CFAP97: variants seen among roughly 807,000 people sequenced by gnomAD.
The protein encoded by CFAP97 is cilia and flagella associated protein 97, also known as cilia- and flagella-associated protein 97.
Under a neutral mutation model 43.1 loss-of-function variants are expected in CFAP97, and 36 were observed. That is an observed-to-expected ratio of 0.84 (90% confidence interval 0.64 to 1.10). The LOEUF (loss-of-function observed/expected upper bound fraction) is 1.10. Among genes scored for constraint, CFAP97 ranks in the 50% least tolerant of loss-of-function variants. The pLI, the probability that CFAP97 is intolerant of heterozygous loss-of-function variation, is 0.00. For synonymous variants in CFAP97, 228 were observed against 225.7 expected, an observed-to-expected ratio of 1.01 and a Z score of -0.09; for missense variants, 657 against 620.3, an observed-to-expected ratio of 1.06 and a Z score of -0.63.
chr4:185,192,601 T>C (rs1736314133), intron 1 of CFAP97, among the ~76,000 whole-genome samples: 1 of 136,398 alleles, frequency 7.3e-6, no homozygotes, highest in South Asian at 2.5e-4. Flanking sequence ...CACTATAAAG[T>C]CATAGTCTTT....
intron 2 of CFAP97, among the ~76,000 whole-genome samples, chr4:185,188,525 G>A (rs926159931): frequency 1.8e-4 from 27 of 151,972 alleles, no homozygotes; most frequent in Non-Finnish European, 2.8e-4. Flanking sequence ...TGTATTATTT[G>A]CGGAGACGGG....
chr4:185,202,557 AC>A (rs1259297863), intron 1 of CFAP97, among the ~76,000 whole-genome samples: 2 of 151,782 alleles, frequency 1.3e-5, no homozygotes, highest in African/African-American at 2.4e-5. Flanking sequence ...CAAAAAACAA[AC>A]AAACAAAAAA....
chr4:185,204,063 C>T (rs1034861390), upstream of CFAP97: 4 of 149,732 alleles, frequency 2.7e-5, no homozygotes. Context: ...GGGGCGCACG[C>T]CGGGCCTCGT....
At chr4:185,184,253 T>G (rs1735918836) in intron 2 of CFAP97, among the ~76,000 whole-genome samples, 1 of 152,198 alleles carries the variant, frequency 6.6e-6, no homozygotes, top group African/African-American at 2.4e-5. Flanking sequence ...CATACTGAAG[T>G]TTGAGAAGCT....
At chr4:185,168,592 T>C (rs1427946005) in intron 3 of CFAP97, among the ~76,000 whole-genome samples, 1 of 146,206 alleles carries the variant, frequency 6.8e-6, no homozygotes. Flanking sequence ...AAAGACTCTG[T>C]CTCAAAAAAT....
Position 185,190,186 on chromosome 4 carries a change from CTGTT to C in CFAP97, c.1007_1010del (p.Lys336ArgfsTer10), listed in dbSNP as rs1365411399. 6.3e-7 allele frequency: 1 copy of C among 1,597,010 alleles called. No individual in the cohort carries two copies. The highest frequency in any genetic ancestry group is 1.4e-5 in the African/African-American group (1 of 73,954). ...GATCCATTGTGTCATGTAAGACTTTCTGTTTATGTCTGTGGTCTAAACTGGAGTC... is the reference window on the plus strand; with the variant it reads ...GATCCATTGTGTCATGTAAGACTTTCTATGTCTGTGGTCTAAACTGGAGTC... On this transcript the variant is annotated frameshift_variant, in exon 2 of 5. Coordinates refer to ENST00000458385, the MANE Select transcript of CFAP97 (RefSeq NM_020827.3). LOFTEE classifies it high-confidence loss of function.
In CFAP97 at chr4:185,190,432, T is replaced by TA. The variant is rs1364205202; in HGVS notation, c.764dup (p.Ser256LysfsTer9). ...TAATGTCTGGAGTTGATAAGGGACTTACGTCAGTCACAGTATCTTCAGACT... is the reference window on the plus strand; with the variant it reads ...TAATGTCTGGAGTTGATAAGGGACTTAACGTCAGTCACAGTATCTTCAGACT... On this transcript the variant is annotated frameshift_variant, in exon 2 of 5. Transcript: ENST00000458385. LOFTEE classifies it high-confidence loss of function. The TA allele has an allele frequency of 6.2e-7, 1 of 1,613,680 alleles. No homozygotes were observed. Among genetic ancestry groups the TA allele is most frequent in the Admixed American group, 1.7e-5 (1 of 59,976 alleles).
intron 2 of CFAP97, among the ~76,000 whole-genome samples, chr4:185,179,195 A>G (rs1735682050): frequency 6.6e-6 from 1 of 152,148 alleles, no homozygotes; most frequent in African/African-American, 2.4e-5. Context: ...CCCGACTGAC[A>G]TCCTGGATCT....
chr4:185,209,697 G>A (rs1357890986), upstream of CFAP97: 1 of 974,786 alleles, frequency 1.0e-6, no homozygotes, highest in Non-Finnish European at 1.2e-6. This position sits in a 1 kb window ranked among gnomAD's most constrained non-coding sequence, Gnocchi z 5.2. Context: ...GGGCCCGGCG[G>A]CGTCTGCGGG....
rs1000858384 is a variant in CFAP97 at position 185,162,417 on chromosome 4, G to C, written c.*381C>G. The C allele has an allele frequency of 4.4e-5, 8 of 183,446 alleles. No individual in the cohort carries two copies. The highest frequency in any genetic ancestry group is 6.8e-5 in the Non-Finnish European group (6 of 87,628). The allele number at this position is 183,446 out of a possible 1,614,324, so 11.4% of individuals were successfully genotyped here. A position where few individuals can be genotyped will look rare whatever the true frequency, so the allele number is the denominator to read the frequency against. Reference sequence around the variant, plus strand: ...AAAGCCAGCCAAATTTAGGAGCTGAGCTCATGGTATAACACTTATAAAGAA... The same window carrying C: ...AAAGCCAGCCAAATTTAGGAGCTGACCTCATGGTATAACACTTATAAAGAA... On this transcript the variant is annotated 3_prime_UTR_variant, in exon 5 of 5. Coordinates refer to ENST00000458385, the MANE Select transcript of CFAP97 (RefSeq NM_020827.3).
At chr4:185,170,768 T>G (rs2111329521) in intron 3 of CFAP97, among the ~76,000 whole-genome samples, 1 of 151,352 alleles carries the variant, frequency 6.6e-6, no homozygotes, top group South Asian at 2.1e-4. Context: ...GTGGATCACC[T>G]GAGGTCAGGA....
chr4:185,208,401 G>A (rs1223584684), upstream of CFAP97, among the ~76,000 whole-genome samples: 4 of 152,090 alleles, frequency 2.6e-5, no homozygotes, highest in Non-Finnish European at 5.9e-5. Context: ...TCTAGCATGA[G>A]GCACTCTTCA....
intron 2 of CFAP97, among the ~76,000 whole-genome samples, chr4:185,184,523 T>C (rs1022348895): frequency 1.3e-5 from 2 of 152,180 alleles, no homozygotes; most frequent in South Asian, 4.2e-4. Flanking sequence ...CACTGTTGTG[T>C]CTGAAGGTGA....
chr4:185,207,977 A>C (rs546190565), upstream of CFAP97, among the ~76,000 whole-genome samples: 23 of 152,378 alleles, frequency 1.5e-4, no homozygotes, highest in African/African-American at 5.3e-4. Context: ...GTTGTTGTTG[A>C]TAACAAGCCA....
Position 185,190,674 on chromosome 4 carries a change from A to G in CFAP97, c.523T>C (p.Ser175Pro), listed in dbSNP as rs1354380723. ...CCTGAAGATGAGGAAGATAAAGAGG[A>G]GGAGGAAGAGGAGCTAACTTTGCAA... ...KYCKVSSSSS[S>P]SLSSSSSGSG... Residue 175 changes from serine to proline, a missense_variant, in exon 2 of 5, where the codon TCC (serine) becomes CCC (proline). Ser to Pro is a moderately conservative substitution (Grantham distance 74, BLOSUM62 -1). Transcript: ENST00000458385. The G allele has an allele frequency of 1.5e-5, 23 of 1,573,772 alleles. No homozygotes were observed. Among genetic ancestry groups the G allele is most frequent in the Non-Finnish European group, 1.8e-5 (21 of 1,158,216 alleles).
At chr4:185,177,637 C>T (rs1189776990) in intron 2 of CFAP97, among the ~76,000 whole-genome samples, 3 of 152,050 alleles carry the variant, frequency 2.0e-5, no homozygotes, top group Non-Finnish European at 4.4e-5. Flanking sequence ...GAGTTCAAGA[C>T]CAGCCTGGCC....
In CFAP97 at chr4:185,162,149, T is replaced by C. The variant is rs1161540897; in HGVS notation, c.*649A>G. 6.6e-6 allele frequency: 1 copy of C among 152,230 alleles called. No homozygotes were observed. The highest frequency in any genetic ancestry group is 1.5e-5 in the Non-Finnish European group (1 of 68,064). The allele number at this position is 152,230 out of a possible 1,614,324, so 9.4% of individuals were successfully genotyped here. ...TAAGTTGAACTTTCTAATATTCATA[T>C]TTGAAATGGTTTGGAATGATTGATC... On this transcript the variant is annotated 3_prime_UTR_variant, in exon 5 of 5. Coordinates refer to ENST00000458385, the MANE Select transcript of CFAP97 (RefSeq NM_020827.3).
At chr4:185,175,261 T>TC (rs397689556) in intron 3 of CFAP97, among the ~76,000 whole-genome samples, 1 of 150,688 alleles carries the variant, frequency 6.6e-6, no homozygotes, top group South Asian at 2.1e-4. Flanking sequence ...TCTCTCTCTC[T>TC]TTTTTCTTCT....
At chr4:185,206,020 G>A (rs1737173889), upstream of CFAP97, among the ~76,000 whole-genome samples, 1 of 152,210 alleles carries the variant, frequency 6.6e-6, no homozygotes, top group Admixed American at 6.5e-5. Flanking sequence ...ATAAGGATTG[G>A]CAAGAATGTG....
Sources: allele counts gnomAD v4.1 joint callset (sites outside exome capture counted in the v4.1 genomes callset), GRCh38; gene constraint gnomAD v4.1.1; non-coding constraint Gnocchi (gnomAD v3.1); transcripts MANE v1.5; gene names NCBI Gene and HGNC (gene_info 2026-07-23, HGNC 2026-07-21).